DISC1: variants seen among roughly 807,000 people sequenced by gnomAD.
DISC1 encodes disrupted in schizophrenia 1 protein.
DISC1 carries 57 observed loss-of-function variants against 84.5 expected under a neutral mutation model. That is an observed-to-expected ratio of 0.67 (90% CI 0.55 to 0.84). The LOEUF is 0.84. DISC1 is among the 40% of genes least tolerant of loss of function. The pLI, the probability that DISC1 is intolerant of heterozygous loss-of-function variation, is 0.00. For synonymous variants in DISC1, 411 were observed against 415.2 expected (o/e 0.99, Z 0.12); for missense variants, 1,000 against 1,057.8 (o/e 0.95, Z 0.76).
At chr1:231,756,043 G>A (rs2075078452) in intron 4 of DISC1, among the ~76,000 whole-genome samples, 1 of 152,086 alleles carries the variant, frequency 6.6e-6, no homozygotes, top group South Asian at 2.1e-4. Flanking sequence ...AAGTCTTCAC[G>A]ATCCAGCCCC....
intron 8 of DISC1, among the ~76,000 whole-genome samples, chr1:231,807,312 G>C (rs1323693798): frequency 1.3e-5 from 2 of 152,240 alleles, no homozygotes; most frequent in African/African-American, 2.4e-5. Flanking sequence ...AGTAGTCAAG[G>C]CTGGCTCTCT....
intron 1 of DISC1, among the ~76,000 whole-genome samples, chr1:231,647,832 G>A (rs1208029656): frequency 6.6e-6 from 1 of 152,180 alleles, no homozygotes. Flanking sequence ...TTGTGAATGG[G>A]AGTTTGCTCA....
chr1:231,744,760 T>C (rs2125289870), intron 3 of DISC1, among the ~76,000 whole-genome samples: 1 of 152,292 alleles, frequency 6.6e-6, no homozygotes, highest in African/African-American at 2.4e-5. Flanking sequence ...ACATTTCAAT[T>C]CACCCATGGA....
chr1:231,877,970 A>G (rs556526344), intron 9 of DISC1, among the ~76,000 whole-genome samples: 350 of 152,374 alleles, frequency 2.3e-3, no homozygotes, highest in African/African-American at 7.9e-3. Context: ...AGATGAAGAC[A>G]AATGAACTCA....
chr1:231,784,506 G>GTCCTTA (rs1222712133), intron 6 of DISC1, among the ~76,000 whole-genome samples: 1 of 152,146 alleles, frequency 6.6e-6, no homozygotes, highest in Non-Finnish European at 1.5e-5. Flanking sequence ...TTTACTTAAT[G>GTCCTTA]TCCTTAGCCT....
At chr1:231,998,537 C>T (rs555311498) in intron 10 of DISC1, among the ~76,000 whole-genome samples, 7 of 152,106 alleles carry the variant, frequency 4.6e-5, no homozygotes, top group Admixed American at 2.6e-4. Context: ...AGAACTAGAT[C>T]GACCTCAGAC....
Position 231,702,325 on chromosome 1 carries a change from A to G in DISC1, c.1117+301A>G, listed in dbSNP as rs113182327. The G allele has an allele frequency of 3.0e-5, 33 of 1,083,956 alleles. No homozygotes were observed. The East Asian group carries it at 1.9e-3, about 62-fold the overall frequency. The allele number at this position is 1,083,956 out of a possible 1,614,324, so 67.1% of individuals were successfully genotyped here. A position where few individuals can be genotyped will look rare whatever the true frequency, so the allele number is the denominator to read the frequency against. On this transcript the variant is annotated intron_variant, in intron 3 of 12. Coordinates refer to ENST00000439617, the MANE Select transcript of DISC1 (RefSeq NM_018662.3). ...TGTCTGCCCATGGTGTGATGTATCTATAATCCACTTGTTCATAAAAAATAT... is the reference window on the plus strand; with the variant it reads ...TGTCTGCCCATGGTGTGATGTATCTGTAATCCACTTGTTCATAAAAAATAT...
intron 10 of DISC1, among the ~76,000 whole-genome samples, chr1:231,960,031 A>G (rs1572357298): frequency 6.6e-6 from 1 of 152,344 alleles, no homozygotes; most frequent in Admixed American, 6.5e-5. Flanking sequence ...GTATTGGTAA[A>G]GAGACACCCA....
chr1:231,838,700 T>A (rs1381268613), intron 9 of DISC1, among the ~76,000 whole-genome samples: 1 of 152,226 alleles, frequency 6.6e-6, no homozygotes. Context: ...AAGAGTTACA[T>A]GTAAGTTTGT....
intron 2 of DISC1, among the ~76,000 whole-genome samples, chr1:231,697,560 C>T (rs999907152): frequency 5.9e-5 from 9 of 151,860 alleles, no homozygotes; most frequent in African/African-American, 1.5e-4. Context: ...TTGCCTCAGC[C>T]TCCCTAGTGG....
In DISC1 at chr1:231,951,199, G is replaced by T. The variant is rs779291168; in HGVS notation, c.1982-7629G>T. Among the ~76,000 whole-genome samples, 51 of 152,206 alleles carry T rather than the reference G, an allele frequency of 3.4e-4. 1 individual carries two copies. The highest frequency in any genetic ancestry group is 3.3e-3 in the Admixed American group (50 of 15,282). On this transcript the variant is annotated intron_variant, in intron 9 of 12. Transcript: ENST00000439617. ...AGCATTCTCACTCGCGTTACTCAAA[G>T]GTGAAAAGCTGGAAGAATGAGTTAA...
chr1:231,856,682 T>C (rs975018187), intron 9 of DISC1, among the ~76,000 whole-genome samples: 4 of 152,180 alleles, frequency 2.6e-5, no homozygotes, highest in Admixed American at 2.6e-4. Flanking sequence ...CCAGTGCTGC[T>C]CAGTGGGGAA....
rs779377344 is a variant in DISC1 at position 231,954,047 on chromosome 1, G to A, written c.1982-4781G>A. 3.3e-5 allele frequency among the ~76,000 whole-genome samples: 5 copies of A among 152,112 alleles called. No individual in the cohort carries two copies. Among genetic ancestry groups the A allele is most frequent in the African/African-American group, 4.8e-5 (2 of 41,412 alleles). On this transcript the variant is annotated intron_variant, in intron 9 of 12. Transcript: ENST00000439617. This position sits in a 1 kb window ranked among gnomAD's most constrained non-coding sequence, Gnocchi z 4.8. ...CCCACTTAACATTCTCCTACCTTCC[G>A]TGTTGACATTCTTCTACCTTCCAAC...
chr1:231,832,798 G>T (rs557066840), intron 9 of DISC1, among the ~76,000 whole-genome samples: 1 of 148,866 alleles, frequency 6.7e-6, no homozygotes. Context: ...TTGATAAGGC[G>T]CAGATCCTGA....
In DISC1 at chr1:231,890,939, C is replaced by T. The variant is rs537310781; in HGVS notation, c.1982-67889C>T. Among the ~76,000 whole-genome samples the T allele has an allele frequency of 2.0e-4, 31 of 152,142 alleles. No individual in the cohort carries two copies. In the South Asian group the frequency reaches 4.2e-3, roughly 20 times the overall value. On this transcript the variant is annotated intron_variant, in intron 9 of 12. Transcript: ENST00000439617. ...TAATGCTATGCTCACATTTTCCTCC[C>T]GTGACAAAGAGTGGGAATAAGCGTG...
At chr1:231,799,646 G>A (rs1287778482) in intron 7 of DISC1, among the ~76,000 whole-genome samples, 2 of 151,954 alleles carry the variant, frequency 1.3e-5, no homozygotes, top group East Asian at 3.9e-4. Flanking sequence ...AAGTGATGCA[G>A]ACAGGAGGAT....
At chr1:231,989,173 T>C (rs201120244) in intron 10 of DISC1, among the ~76,000 whole-genome samples, 49 of 152,338 alleles carry the variant, frequency 3.2e-4, no homozygotes, top group Non-Finnish European at 6.5e-4. Context: ...TGAAGTAATA[T>C]CAGTTAGCTG....
chr1:231,689,018 T>C (rs1412233166), intron 1 of DISC1, among the ~76,000 whole-genome samples: 2 of 152,234 alleles, frequency 1.3e-5, no homozygotes, highest in Non-Finnish European at 2.9e-5. Context: ...TCTGATTCTT[T>C]GGAAACAAAT....
intron 9 of DISC1, among the ~76,000 whole-genome samples, chr1:231,863,605 A>T (rs546410065): frequency 4.6e-5 from 7 of 152,324 alleles, no homozygotes; most frequent in African/African-American, 1.7e-4. Flanking sequence ...TTAATAACAC[A>T]ATATGGGTTC....
Sources: gnomAD v4.1 joint callset for allele counts (sites outside exome capture counted in the v4.1 genomes callset) on GRCh38, gnomAD v4.1.1 for gene constraint, Gnocchi (gnomAD v3.1) non-coding constraint, MANE v1.5 for transcripts, NCBI Gene and HGNC (gene_info 2026-07-23, HGNC 2026-07-21) for gene names.